Variants in CNTN5 observed in about 807,000 individuals in gnomAD.
CNTN5 encodes the protein contactin-5.
CNTN5 carries 77 observed loss-of-function variants against 129.1 expected under a neutral mutation model. The ratio of observed to expected loss-of-function variants is 0.60; its 90% CI spans 0.50 to 0.72. CNTN5 has a LOEUF of 0.72. CNTN5 is among the 30% of genes least tolerant of loss of function. CNTN5 has a pLI of 0.00. For missense variants in CNTN5, 1,478 were observed against 1,328.8 expected, an observed-to-expected ratio of 1.11 and a Z score of -1.75; for synonymous variants, 509 against 465.6, an observed-to-expected ratio of 1.09 and a Z score of -1.20.
intron 2 of CNTN5, among the ~76,000 whole-genome samples, chr11:99,382,791 G>A (rs749466669): frequency 2.8e-5 from 4 of 140,552 alleles, no homozygotes; most frequent in Admixed American, 7.3e-5. Context: ...TGTTTCATTC[G>A]CACACAAGTC....
intron 2 of CNTN5, among the ~76,000 whole-genome samples, chr11:99,366,775 A>AT (rs1939470028): frequency 1.3e-5 from 2 of 152,136 alleles, no homozygotes; most frequent in African/African-American, 2.4e-5. Context: ...ATAAGGAAAG[A>AT]TTTTTTGTGT....
intron 2 of CNTN5, among the ~76,000 whole-genome samples, chr11:99,358,146 T>A (rs1388113369): frequency 3.6e-5 from 5 of 139,974 alleles, no homozygotes; most frequent in African/African-American, 1.3e-4. Context: ...TGGAGTGCAG[T>A]GGCGCGATCT....
chr11:100,227,799 A>G (rs1309312865), intron 16 of CNTN5, among the ~76,000 whole-genome samples: 2 of 152,204 alleles, frequency 1.3e-5, no homozygotes, highest in Non-Finnish European at 2.9e-5. Flanking sequence ...AAATACTGCT[A>G]TAGGGAACCT....
intron 9 of CNTN5, among the ~76,000 whole-genome samples, chr11:100,043,155 CACTT>C (rs1942470349): frequency 1.3e-5 from 2 of 152,258 alleles, no homozygotes; most frequent in East Asian, 1.9e-4. Context: ...AAATCTTAAA[CACTT>C]ACAAAAAGAA....
intron 6 of CNTN5, among the ~76,000 whole-genome samples, chr11:99,914,736 A>G (rs970636385): frequency 4.6e-5 from 7 of 152,128 alleles, no homozygotes; most frequent in African/African-American, 1.7e-4. Context: ...AATAATGAAT[A>G]CTTCTCTGTT....
intron 13 of CNTN5, among the ~76,000 whole-genome samples, chr11:100,174,308 G>A (rs140556502): frequency 8.0e-4 from 121 of 152,186 alleles, no homozygotes; most frequent in African/African-American, 2.8e-3. Context: ...TTAGTAGCCT[G>A]AATTATGTTC....
In CNTN5 at chr11:100,356,184, G is replaced by T; in HGVS notation, c.3267G>T (p.Leu1089Phe). Residue 1089 changes from leucine to phenylalanine, a missense_variant, in exon 25 of 25, where the codon TTG (leucine) becomes TTT (phenylalanine). Physicochemically the swap from Leu to Phe is conservative, Grantham distance 22. Coordinates refer to ENST00000524871, the MANE Select transcript of CNTN5 (RefSeq NM_014361.4). ...SLSTSSSSVT[L>F]LLALMIPSTS... ...CCACATCTTCGTCATCAGTCACCTT[G>T]CTCTTGGCATTGATGATTCCTTCAA... 1 of 1,610,218 alleles carries T rather than the reference G, an allele frequency of 6.2e-7. No homozygotes were observed. The highest frequency in any genetic ancestry group is 1.1e-5 in the South Asian group (1 of 90,608).
rs868172511 is a variant in CNTN5 at position 99,795,177 on chromosome 11, G to T, written c.56-24367G>T. Among the ~76,000 whole-genome samples, 18 of 151,964 alleles carry T rather than the reference G, an allele frequency of 1.2e-4. 1 individual carries two copies. The highest frequency in any genetic ancestry group is 4.4e-5 in the Non-Finnish European group (3 of 68,002). ...CTACATTCTGTTAGAGTTGGTTTTTGAGCTGAGAGATTCTGCCCTCAGTTT... is the reference window on the plus strand; with the variant it reads ...CTACATTCTGTTAGAGTTGGTTTTTTAGCTGAGAGATTCTGCCCTCAGTTT... On this transcript the variant is annotated intron_variant, in intron 3 of 24. Coordinates refer to ENST00000524871, the MANE Select transcript of CNTN5 (RefSeq NM_014361.4).
chr11:99,229,151 A>G (rs866066972), intron 1 of CNTN5, among the ~76,000 whole-genome samples: 1 of 152,028 alleles, frequency 6.6e-6, no homozygotes. Context: ...CCAATTTCAC[A>G]TGACATTTTA....
rs11386727 is a variant in CNTN5, at chr11:99,947,232, TA to T, written c.674-9566del. On this transcript the variant is annotated intron_variant, in intron 7 of 24. Transcript: ENST00000524871. ...TTCTACTTTTGAAAAAGAACTCAAC[TA>T]AAAAAAACCCCAGCCAAAACTTTCA... Among the ~76,000 whole-genome samples the T allele has an allele frequency of 2.1e-4, 32 of 150,964 alleles. No homozygotes were observed. The East Asian group carries it at 3.5e-3, about 17-fold the overall frequency.
At chr11:100,044,647 A>G (rs768540993) in intron 9 of CNTN5, among the ~76,000 whole-genome samples, 5 of 151,652 alleles carry the variant, frequency 3.3e-5, no homozygotes, top group Non-Finnish European at 7.4e-5. Context: ...ATGTCTATGC[A>G]TATTCTTCAC....
intron 6 of CNTN5, among the ~76,000 whole-genome samples, chr11:99,889,257 C>T (rs906479511): frequency 2.7e-5 from 4 of 150,310 alleles, no homozygotes; most frequent in South Asian, 2.1e-4. Flanking sequence ...TCAGCATGGG[C>T]TTATGTCACA....
intron 13 of CNTN5, among the ~76,000 whole-genome samples, chr11:100,099,826 C>T (rs889407743): frequency 2.0e-5 from 3 of 151,992 alleles, no homozygotes; most frequent in Non-Finnish European, 4.4e-5. Context: ...TACTAAGTTA[C>T]GTGTTATCTC....
At chr11:100,069,402 G>T (rs574749779) in intron 10 of CNTN5, among the ~76,000 whole-genome samples, 32 of 151,942 alleles carry the variant, frequency 2.1e-4, no homozygotes, top group African/African-American at 7.5e-4. Context: ...TAATCCCTCT[G>T]CCTTGGCCTC....
Position 99,062,581 on chromosome 11 carries a change from T to A in CNTN5, c.-210+41311T>A, listed in dbSNP as rs144868532. Among the ~76,000 whole-genome samples, 555 of 152,184 alleles carry A rather than the reference T, an allele frequency of 3.6e-3. 3 individuals are homozygous for A. Among genetic ancestry groups the A allele is most frequent in the African/African-American group, 0.013 (534 of 41,534 alleles). ...TTATAACTCTAGAAATTGACTAGGA[T>A]AATAAGGGTAGAGTGAAGGGGATAG... On this transcript the variant is annotated intron_variant, in intron 1 of 24. Transcript: ENST00000524871.
intron 2 of CNTN5, among the ~76,000 whole-genome samples, chr11:99,513,577 A>C (rs867711579): frequency 6.6e-6 from 1 of 152,274 alleles, no homozygotes; most frequent in Middle Eastern, 3.4e-3. Context: ...GCCAATGCTC[A>C]TGTAGCATTC....
intron 3 of CNTN5, among the ~76,000 whole-genome samples, chr11:99,767,125 T>C (rs1309926955): frequency 6.6e-6 from 1 of 152,092 alleles, no homozygotes; most frequent in African/African-American, 2.4e-5. Flanking sequence ...CTCTCTCTCT[T>C]TCTCTACTTC....
At chr11:99,931,906 CCTAT>C (rs1188569836) in intron 7 of CNTN5, among the ~76,000 whole-genome samples, 5 of 152,104 alleles carry the variant, frequency 3.3e-5, no homozygotes, top group Admixed American at 3.3e-4. Context: ...GCTAGTCCTC[CCTAT>C]CTGTCATATG....
intron 3 of CNTN5, among the ~76,000 whole-genome samples, chr11:99,780,295 A>G (rs114711930): frequency 1.3e-3 from 201 of 152,220 alleles, no homozygotes; most frequent in African/African-American, 4.6e-3. Context: ...TAGATTATCA[A>G]TGCTGAAGAA....
Sources: allele counts gnomAD v4.1 joint callset (sites outside exome capture counted in the v4.1 genomes callset), GRCh38; gene constraint gnomAD v4.1.1; transcripts MANE v1.5; gene names NCBI Gene and HGNC (gene_info 2026-07-23, HGNC 2026-07-21).